Variants in GALNTL6 observed in about 807,000 individuals in gnomAD.
GALNTL6 encodes polypeptide N-acetylgalactosaminyltransferase-like 6.
In GALNTL6, 46 loss-of-function variants were observed where a neutral mutation model predicts 73.7. The ratio of observed to expected loss-of-function variants is 0.62; its 90% CI spans 0.49 to 0.80. The LOEUF is 0.80. GALNTL6 is among the 30% of genes least tolerant of loss of function. The pLI is 0.00. For synonymous variants in GALNTL6, 259 were observed against 263.7 expected (o/e 0.98, Z 0.17); for missense variants, 604 against 755.0 (o/e 0.80, Z 2.34).
intron 5 of GALNTL6, among the ~76,000 whole-genome samples, chr4:172,738,422 G>T (rs763186092): frequency 5.3e-5 from 8 of 152,092 alleles, no homozygotes; most frequent in African/African-American, 1.7e-4. Context: ...GTTGGTGTTT[G>T]TTGTAATGGG....
chr4:172,188,078 T>C (rs1391205095), intron 2 of GALNTL6, among the ~76,000 whole-genome samples: 4 of 152,214 alleles, frequency 2.6e-5, no homozygotes, highest in African/African-American at 9.6e-5. Context: ...TTGAGATAAG[T>C]AGTGACTGCT....
intron 5 of GALNTL6, among the ~76,000 whole-genome samples, chr4:172,588,515 G>A (rs1192885076): frequency 6.7e-6 from 1 of 149,604 alleles, no homozygotes; most frequent in Non-Finnish European, 1.5e-5. Flanking sequence ...AATCACCTGA[G>A]CCCGGGGACC....
chr4:171,967,450 T>TCTTG (rs1739418929), intron 2 of GALNTL6, among the ~76,000 whole-genome samples: 4 of 133,364 alleles, frequency 3.0e-5, no homozygotes, highest in Non-Finnish European at 4.6e-5. Context: ...CCTATGGGTT[T>TCTTG]TTTTTTTTTT....
intron 5 of GALNTL6, chr4:172,669,195 A>G (rs1372047530): frequency 6.6e-6 from 1 of 152,198 alleles, no homozygotes; most frequent in Non-Finnish European, 1.5e-5. Flanking sequence ...AGATTTTAAA[A>G]TAGTGACCAC....
chr4:172,027,021 G>A (rs903365646), intron 2 of GALNTL6, among the ~76,000 whole-genome samples: 1 of 151,958 alleles, frequency 6.6e-6, no homozygotes, highest in African/African-American at 2.4e-5. Flanking sequence ...TCTCGAGTAT[G>A]TGGGACTACA....
intron 10 of GALNTL6, among the ~76,000 whole-genome samples, chr4:172,996,504 T>C (rs1483835801): frequency 1.3e-5 from 2 of 152,172 alleles, no homozygotes; most frequent in South Asian, 2.1e-4. Flanking sequence ...AGTTTACCTA[T>C]ATGACAAACC....
intron 3 of GALNTL6, among the ~76,000 whole-genome samples, chr4:172,268,277 C>T (rs1412750946): frequency 6.6e-6 from 1 of 152,116 alleles, no homozygotes; most frequent in African/African-American, 2.4e-5. Flanking sequence ...GATTGGCATG[C>T]AGGAGGTTTA....
chr4:172,187,755 G>A (rs1254365966), intron 2 of GALNTL6, among the ~76,000 whole-genome samples: 1 of 152,070 alleles, frequency 6.6e-6, no homozygotes, highest in Non-Finnish European at 1.5e-5. Context: ...TAGGGATAAT[G>A]AATTATTTAA....
intron 5 of GALNTL6, among the ~76,000 whole-genome samples, chr4:172,397,556 CATTT>C (rs10639647): frequency 0.039 from 5,700 of 144,398 alleles, 316 homozygotes; most frequent in African/African-American, 0.13. Context: ...ATAAGTATCT[CATTT>C]ATTTATTTAT....
At chr4:172,653,342 C>T (rs1740579428) in intron 5 of GALNTL6, among the ~76,000 whole-genome samples, 1 of 151,704 alleles carries the variant, frequency 6.6e-6, no homozygotes, top group Non-Finnish European at 1.5e-5. Context: ...GCCTCAGCCT[C>T]CCGAGTAGCT....
At chr4:172,952,519 G>GTTTTTT (rs201491765) in intron 10 of GALNTL6, among the ~76,000 whole-genome samples, 3 of 147,400 alleles carry the variant, frequency 2.0e-5, no homozygotes, top group Non-Finnish European at 3.0e-5. Flanking sequence ...TTTTGTTTTT[G>GTTTTTT]TTTTTGTTTT....
At chr4:172,740,927 A>G (rs1372429731) in intron 5 of GALNTL6, among the ~76,000 whole-genome samples, 1 of 152,288 alleles carries the variant, frequency 6.6e-6, no homozygotes, top group South Asian at 2.1e-4. Context: ...AAACAGAAAC[A>G]CACATGAAAT....
chr4:172,805,402 T>A (rs543417772), intron 5 of GALNTL6, among the ~76,000 whole-genome samples: 1 of 152,224 alleles, frequency 6.6e-6, no homozygotes, highest in Admixed American at 6.5e-5. Flanking sequence ...CAAAATTTCA[T>A]TGGAATACAA....
In GALNTL6 at chr4:172,390,383, A is replaced by G. The variant is rs141932753; in HGVS notation, c.553+41694A>G. Reference sequence around the variant, plus strand: ...TCATGCTTGTGTTCTCTGCACTTTCAGTTACCCACAGTCATTGGCAGTCTG... The same window carrying G: ...TCATGCTTGTGTTCTCTGCACTTTCGGTTACCCACAGTCATTGGCAGTCTG... On this transcript the variant is annotated intron_variant, in intron 5 of 12. Transcript: ENST00000506823. Among the ~76,000 whole-genome samples, 65 of 152,340 alleles carry G rather than the reference A, an allele frequency of 4.3e-4. 1 individual carries two copies. The East Asian group carries it at 8.5e-3, about 20-fold the overall frequency.
At chr4:172,798,564 T>G (rs1372790836) in intron 5 of GALNTL6, among the ~76,000 whole-genome samples, 1 of 152,204 alleles carries the variant, frequency 6.6e-6, no homozygotes. Context: ...TATGAGCCAA[T>G]TAAACCTCTT....
chr4:172,472,696 A>T (rs371058584), intron 5 of GALNTL6, among the ~76,000 whole-genome samples: 2 of 152,036 alleles, frequency 1.3e-5, no homozygotes, highest in Non-Finnish European at 2.9e-5. Context: ...CACAGAGGGA[A>T]GGTGGCCACA....
chr4:172,832,999 T>C (rs1742719380), intron 7 of GALNTL6, among the ~76,000 whole-genome samples: 1 of 150,672 alleles, frequency 6.6e-6, no homozygotes, highest in Non-Finnish European at 1.5e-5. Context: ...TCCACCCCCA[T>C]GGCTCTGGCC....
intron 2 of GALNTL6, among the ~76,000 whole-genome samples, chr4:171,986,037 CAAA>C (rs10686994): frequency 3.7e-5 from 3 of 82,124 alleles, no homozygotes; most frequent in African/African-American, 1.1e-4. Context: ...GACTCTGTCT[CAAA>C]AAAAAAAAAA....
rs902465354 is a variant in GALNTL6 at position 172,993,798 on chromosome 4, T to C, written c.1372-15380T>C. 2.6e-5 allele frequency among the ~76,000 whole-genome samples: 4 copies of C among 152,192 alleles called. No individual in the cohort carries two copies. The South Asian group carries it at 8.3e-4, about 32-fold the overall frequency. ...TTTTCCGGGCATGGTGGCACATGCA[T>C]GTACTCCCAGCTACTCGGGAGGCTG... On this transcript the variant is annotated intron_variant, in intron 10 of 12. Coordinates refer to ENST00000506823, the MANE Select transcript of GALNTL6 (RefSeq NM_001034845.3).
Sources: gnomAD v4.1 joint callset for allele counts (sites outside exome capture counted in the v4.1 genomes callset) on GRCh38, gnomAD v4.1.1 for gene constraint, MANE v1.5 for transcripts, NCBI Gene and HGNC (gene_info 2026-07-23, HGNC 2026-07-21) for gene names.